Variants in ATP1B3 observed in about 807,000 individuals in gnomAD.
The protein encoded by ATP1B3 is ATPase Na+/K+ transporting subunit beta 3.
In ATP1B3, 10 loss-of-function variants were observed where a neutral mutation model predicts 30.2. The ratio of observed to expected loss-of-function variants is 0.33; its 90% CI spans 0.20 to 0.56. The LOEUF (loss-of-function observed/expected upper bound fraction) is 0.56. Among genes scored for constraint, ATP1B3 ranks in the 20% least tolerant of loss-of-function variants. The probability of loss-of-function intolerance (pLI) is 0.90; values close to 1 mark genes in which losing one functional copy is unlikely to be tolerated. For synonymous variants in ATP1B3, 113 were observed against 117.0 expected (o/e 0.97, Z 0.22); for missense variants, 238 against 336.7 (o/e 0.71, Z 2.29).
intron 1 of ATP1B3, among the ~76,000 whole-genome samples, chr3:141,895,553 T>C (rs1426662382): frequency 6.6e-6 from 1 of 152,188 alleles, no homozygotes; most frequent in African/African-American, 2.4e-5. Flanking sequence ...CCACAGTTCT[T>C]ATTGCTGAAT....
At chr3:141,910,036 A>G (rs978757301) in intron 3 of ATP1B3, among the ~76,000 whole-genome samples, 2 of 152,274 alleles carry the variant, frequency 1.3e-5, no homozygotes, top group Admixed American at 6.5e-5. Context: ...CAGTGGCACA[A>G]TCACAGCTCA....
chr3:141,882,476 C>G (rs1933746252), intron 1 of ATP1B3, among the ~76,000 whole-genome samples: 1 of 152,158 alleles, frequency 6.6e-6, no homozygotes, highest in Non-Finnish European at 1.5e-5. Context: ...TTGGGTCTGT[C>G]ACCTTTATGG....
At chr3:141,888,145 A>G (rs1162250897) in intron 1 of ATP1B3, among the ~76,000 whole-genome samples, 3 of 152,218 alleles carry the variant, frequency 2.0e-5, no homozygotes, top group Non-Finnish European at 4.4e-5. Context: ...AATACAGTAA[A>G]ATGTTAATTG....
At chr3:141,903,564 A>G (rs879010547) in intron 1 of ATP1B3, 56 bp from the exon 2 acceptor site, 2 of 1,604,044 alleles carry the variant, frequency 1.2e-6, no homozygotes, top group Admixed American at 1.7e-5. Flanking sequence ...CTGGCCAAAC[A>G]TGCATACACA....
At chr3:141,916,654 G>A (rs1435556107) in intron 5 of ATP1B3, 2 of 1,002,582 alleles carry the variant, frequency 2.0e-6, no homozygotes, top group Non-Finnish European at 2.7e-6. Context: ...TTGTATGGCA[G>A]AAATATTTTA....
intron 1 of ATP1B3, 21 bp downstream of exon 1, chr3:141,876,931 C>CGTCCGGGGCCGGCCTCG (rs1933606937): frequency 2.0e-6 from 3 of 1,536,312 alleles, no homozygotes; most frequent in Non-Finnish European, 2.6e-6. Context: ...AGCAGCTGGG[C>CGTCCGGGGCCGGCCTCG]GTCCGGGGCC....
At chr3:141,895,808 C>T (rs1055663105) in intron 1 of ATP1B3, among the ~76,000 whole-genome samples, 1 of 152,086 alleles carries the variant, frequency 6.6e-6, no homozygotes, top group African/African-American at 2.4e-5. Context: ...TTTTTAAAAA[C>T]AACAACAGCA....
chr3:141,917,247 T>C (rs181961740), intron 5 of ATP1B3, among the ~76,000 whole-genome samples: 50 of 152,270 alleles, frequency 3.3e-4, no homozygotes, highest in Non-Finnish European at 6.5e-4. Context: ...AGTGTCCTTA[T>C]TAATTTTTTA....
At chr3:141,919,823 C>T (rs1934535227) in intron 5 of ATP1B3, among the ~76,000 whole-genome samples, 1 of 152,010 alleles carries the variant, frequency 6.6e-6, no homozygotes, top group South Asian at 2.1e-4. Flanking sequence ...CCTGTAATCC[C>T]AGCTACTCGG....
At chr3:141,911,877 A>T (rs970408104) in intron 3 of ATP1B3, among the ~76,000 whole-genome samples, 4 of 152,126 alleles carry the variant, frequency 2.6e-5, no homozygotes, top group Non-Finnish European at 1.5e-5. Flanking sequence ...CTATGTTCCC[A>T]TCATGCCTTC....
chr3:141,891,444 G>A (rs1173387841), intron 1 of ATP1B3, among the ~76,000 whole-genome samples: 6 of 152,108 alleles, frequency 3.9e-5, no homozygotes, highest in African/African-American at 1.4e-4. Context: ...TTTTACTGGG[G>A]TAAACCTCTT....
At chr3:141,890,086 CTTTTTT>C (rs1245235657) in intron 1 of ATP1B3, among the ~76,000 whole-genome samples, 1 of 107,550 alleles carries the variant, frequency 9.3e-6, no homozygotes, top group East Asian at 3.0e-4. Context: ...AATTTTTTTT[CTTTTTT>C]TTTTTTTTTT....
At position 141,876,656 on chromosome 3, in the gene ATP1B3, AC is replaced by A; in HGVS notation, c.-145del. 2.0e-6 allele frequency: 1 copy of A among 490,102 alleles called. No individual in the cohort carries two copies. The highest frequency in any genetic ancestry group is 3.6e-6 in the Non-Finnish European group (1 of 281,548). 30.4% of individuals were successfully genotyped at this position (490,102 alleles called of 1,614,324 possible). A position where few individuals can be genotyped will look rare whatever the true frequency, so the allele number is the denominator to read the frequency against. On this transcript the variant is annotated 5_prime_UTR_variant, in exon 1 of 7. Transcript: ENST00000286371. Reference sequence around the variant, plus strand: ...GCGGCGCGGCGCAGTCGGCTCGAGTACTCCCCGTAACGAGGAGGTGTTCTCG... The same window carrying A: ...GCGGCGCGGCGCAGTCGGCTCGAGTATCCCCGTAACGAGGAGGTGTTCTCG...
At chr3:141,915,058 C>G (rs1934429917) in intron 4 of ATP1B3, among the ~76,000 whole-genome samples, 1 of 152,204 alleles carries the variant, frequency 6.6e-6, no homozygotes. Flanking sequence ...TAATCCCAGT[C>G]TACTAGAAGT....
In ATP1B3 at chr3:141,926,271, C is replaced by T. The variant is rs1295887614; in HGVS notation, c.*570C>T. 1.4e-5 allele frequency: 2 copies of T among 146,930 alleles called. No homozygotes were observed. Among genetic ancestry groups the T allele is most frequent in the Non-Finnish European group, 3.0e-5 (2 of 67,092 alleles). The allele number at this position is 146,930 out of a possible 1,614,324, so 9.1% of individuals were successfully genotyped here. A position where few individuals can be genotyped will look rare whatever the true frequency, so the allele number is the denominator to read the frequency against. ...GCCTCGATCTTTTTGATTAAGAGCA[C>T]AAACTTTTTTTTGTAAAACATGTAA... is the stretch of plus-strand genomic sequence containing the variant. On this transcript the variant is annotated 3_prime_UTR_variant, in exon 7 of 7. Transcript: ENST00000286371.
intron 1 of ATP1B3, among the ~76,000 whole-genome samples, chr3:141,885,249 GAATT>G (rs1200244979): frequency 6.6e-6 from 1 of 151,948 alleles, no homozygotes; most frequent in Non-Finnish European, 1.5e-5. Context: ...ATTATTTTAG[GAATT>G]AATTTTCTTT....
intron 1 of ATP1B3, among the ~76,000 whole-genome samples, chr3:141,882,465 C>T (rs1276421175): frequency 6.6e-6 from 1 of 152,032 alleles, no homozygotes; most frequent in African/African-American, 2.4e-5. Context: ...TGGAGGTGTC[C>T]TTGGGTCTGT....
At chr3:141,897,283 C>T (rs1488325599) in intron 1 of ATP1B3, among the ~76,000 whole-genome samples, 2 of 152,178 alleles carry the variant, frequency 1.3e-5, no homozygotes, top group Non-Finnish European at 2.9e-5. Context: ...CCTTTTCTTC[C>T]TCTTCCTGCT....
intron 1 of ATP1B3, among the ~76,000 whole-genome samples, chr3:141,880,466 T>G (rs921487653): frequency 3.9e-5 from 6 of 152,082 alleles, no homozygotes; most frequent in African/African-American, 1.4e-4. Context: ...ACAAAGAAAA[T>G]TGAGCACCTA....
Sources: gnomAD v4.1 joint callset for allele counts (sites outside exome capture counted in the v4.1 genomes callset) on GRCh38, gnomAD v4.1.1 for gene constraint, MANE v1.5 for transcripts, NCBI Gene and HGNC (gene_info 2026-07-23, HGNC 2026-07-21) for gene names.